Variants in RAD54B observed in about 807,000 individuals in gnomAD.
The protein encoded by RAD54B is DNA repair and recombination protein RAD54B.
RAD54B carries 78 observed loss-of-function variants against 95.8 expected under a neutral mutation model. The observed-to-expected ratio is 0.81, with a 90% CI of 0.68 to 0.98. The LOEUF (loss-of-function observed/expected upper bound fraction) is 0.98. Ranked by LOEUF, RAD54B falls within the 50% of genes least tolerant of loss-of-function variation. The pLI, the probability that RAD54B is intolerant of heterozygous loss-of-function variation, is 0.00. For missense variants in RAD54B, 957 were observed against 1,056.6 expected (o/e 0.91, Z 1.31); for synonymous variants, 328 against 354.9 (o/e 0.92, Z 0.85).
At chr8:94,404,817 A>C (rs1811347503) in intron 5 of RAD54B, among the ~76,000 whole-genome samples, 1 of 151,954 alleles carries the variant, frequency 6.6e-6, no homozygotes, top group African/African-American at 2.4e-5. Flanking sequence ...CAAGTTCATA[A>C]AGCTTTTTTT....
chr8:94,470,092 C>T (rs545473075), intron 1 of RAD54B, among the ~76,000 whole-genome samples: 49 of 152,318 alleles, frequency 3.2e-4, no homozygotes, highest in Admixed American at 8.5e-4. Context: ...TTATCTGTTT[C>T]ACCCAGAAAT....
At chr8:94,437,712 T>A (rs1356195778) in intron 3 of RAD54B, among the ~76,000 whole-genome samples, 9 of 152,206 alleles carry the variant, frequency 5.9e-5, no homozygotes, top group Non-Finnish European at 1.3e-4. Flanking sequence ...AGAAACAGTA[T>A]AATCACGCCT....
rs145900595 is a variant in RAD54B at position 94,467,533 on chromosome 8, G to C, written c.7C>G (p.Arg3Gly). The C allele has an allele frequency of 1.2e-6, 2 of 1,611,912 alleles. No individual in the cohort carries two copies. The highest frequency in any genetic ancestry group is 3.3e-5 in the Admixed American group (2 of 59,708). MR[R>G]SAAPSQLQGN... ...TGCAACTGACTTGGTGCTGCAGATCGTCTCATATTCAGCAGTCGTGACCTG... is the reference window on the plus strand; with the variant it reads ...TGCAACTGACTTGGTGCTGCAGATCCTCTCATATTCAGCAGTCGTGACCTG... The change falls in exon 2 of 15, where the codon CGA becomes GGA. Residue 3 changes from arginine to glycine, a missense_variant. Coordinates refer to ENST00000336148, the MANE Select transcript of RAD54B (RefSeq NM_012415.3).
intron 1 of RAD54B, among the ~76,000 whole-genome samples, chr8:94,473,481 T>C (rs1488505571): frequency 6.6e-6 from 1 of 152,204 alleles, no homozygotes; most frequent in African/African-American, 2.4e-5. Context: ...ATAATCATGC[T>C]TACACACCGG....
At chr8:94,420,637 T>C (rs983964162) in intron 3 of RAD54B, among the ~76,000 whole-genome samples, 2 of 151,918 alleles carry the variant, frequency 1.3e-5, no homozygotes, top group African/African-American at 4.8e-5. Context: ...TTATGTAATA[T>C]GTTATATTTC....
intron 1 of RAD54B, among the ~76,000 whole-genome samples, chr8:94,469,086 A>G (rs1189413271): frequency 6.7e-6 from 1 of 150,040 alleles, no homozygotes; most frequent in African/African-American, 2.4e-5. Context: ...TGAGCCCAAG[A>G]GAGCCCATCT....
At chr8:94,430,852 T>C (rs1812074432) in intron 3 of RAD54B, 1 of 985,464 alleles carries the variant, frequency 1.0e-6, no homozygotes, top group African/African-American at 1.7e-5. Context: ...GAGATGTCCT[T>C]CCTAGTCCAG....
At chr8:94,436,440 G>C in intron 3 of RAD54B, 2 of 1,473,994 alleles carry the variant, frequency 1.4e-6, no homozygotes, top group Non-Finnish European at 1.8e-6. Flanking sequence ...CTAAGCCAAA[G>C]CCCAATAGAT....
chr8:94,428,740 C>A, intron 3 of RAD54B: 1 of 983,086 alleles, frequency 1.0e-6, no homozygotes. Context: ...GTGTACATTC[C>A]ATTGTACTAG....
rs748992142 is a variant in RAD54B, at chr8:94,407,528, G to A, written c.692C>T (p.Pro231Leu). Residue 231 changes from proline (P) to leucine (L), a missense_variant, in exon 5 of 15, where the codon CCT becomes CTT. Coordinates refer to ENST00000336148, the MANE Select transcript of RAD54B (RefSeq NM_012415.3). ...ACTTGGTTTACAAACACTTTTGAAAGGGTTAGAGAAACATTTCCTGGCAAC... is the reference window on the plus strand; with the variant it reads ...ACTTGGTTTACAAACACTTTTGAAAAGGTTAGAGAAACATTTCCTGGCAAC... ...SQVARKCFSN[P>L]FKSVCKPSSK... 2.4e-5 allele frequency: 39 copies of A among 1,613,808 alleles called. No homozygotes were observed. The highest frequency in any genetic ancestry group is 6.7e-5 in the East Asian group (3 of 44,874).
intron 8 of RAD54B, among the ~76,000 whole-genome samples, chr8:94,394,818 G>A (rs988511423): frequency 2.0e-5 from 3 of 152,064 alleles, no homozygotes; most frequent in African/African-American, 7.2e-5. Flanking sequence ...AAATAAAAAT[G>A]CATTTATTTC....
intron 5 of RAD54B, among the ~76,000 whole-genome samples, chr8:94,405,902 A>G (rs778576067): frequency 1.2e-4 from 18 of 152,092 alleles, no homozygotes; most frequent in Non-Finnish European, 2.2e-4. Context: ...TTTAATATTA[A>G]CAACATGTCT....
chr8:94,458,850 G>C (rs1812836872), intron 2 of RAD54B, among the ~76,000 whole-genome samples: 1 of 151,650 alleles, frequency 6.6e-6, no homozygotes, highest in Non-Finnish European at 1.5e-5. Context: ...CTGGGCAACA[G>C]AGTGAGACTC....
chr8:94,428,526 G>T, intron 3 of RAD54B: 1 of 241,480 alleles, frequency 4.1e-6, no homozygotes, highest in Non-Finnish European at 6.7e-6. Context: ...CTAATATAAT[G>T]TAAATACTAT....
intron 3 of RAD54B, among the ~76,000 whole-genome samples, chr8:94,415,693 A>C (rs1311686748): frequency 6.8e-6 from 1 of 147,826 alleles, no homozygotes; most frequent in Non-Finnish European, 1.5e-5. Context: ...CAACCCCATC[A>C]AAAAGTGGGC....
At position 94,404,199 on chromosome 8, in the gene RAD54B, C is replaced by T. The variant is rs1464812250; in HGVS notation, c.822G>A (p.Trp274Ter). ...VMPRPDKNHQWVFNKNCFPLV... is the reference protein window; with the variant it reads ...VMPRPDKNHQ ...GAGGGAAACAGTTCTTATTGAATAC[C>T]CACTGGTGATTCTTATCTGGTCGTG... The change falls in exon 6 of 15, where the codon TGG (tryptophan) becomes TGA (stop). Residue 274 changes from tryptophan to a stop codon, truncating the protein, a stop_gained. Transcript: ENST00000336148. LOFTEE classifies it high-confidence loss of function. 1.9e-6 allele frequency: 3 copies of T among 1,609,228 alleles called. No individual in the cohort carries two copies. Among genetic ancestry groups the T allele is most frequent in the Non-Finnish European group, 2.5e-6 (3 of 1,177,828 alleles).
In RAD54B at chr8:94,407,663, A is replaced by G. The variant is rs1811428243; in HGVS notation, c.557T>C (p.Ile186Thr). ...CATGACTTCTATTTCTTTTCCACAA[A>G]TCATCAGTGTTTGGCCCTCTTCAAT... ...EKIEEGQTLMICGKEIEVMGV... is the reference protein window; with the variant it reads ...EKIEEGQTLMTCGKEIEVMGV... The change falls in exon 5 of 15, where the codon ATT becomes ACT. Residue 186 changes from isoleucine to threonine, a missense_variant. Coordinates refer to ENST00000336148, the MANE Select transcript of RAD54B (RefSeq NM_012415.3). The G allele has an allele frequency of 1.2e-6, 2 of 1,613,936 alleles. No individual in the cohort carries two copies. The highest frequency in any genetic ancestry group is 1.3e-5 in the African/African-American group (1 of 75,026).
At chr8:94,382,862 A>G (rs1379338133) in intron 11 of RAD54B, among the ~76,000 whole-genome samples, 2 of 152,168 alleles carry the variant, frequency 1.3e-5, no homozygotes, top group African/African-American at 2.4e-5. Flanking sequence ...GCCTTCTGCC[A>G]TGATTATAAG....
At chr8:94,420,830 C>T (rs1009720307) in intron 3 of RAD54B, among the ~76,000 whole-genome samples, 1 of 151,672 alleles carries the variant, frequency 6.6e-6, no homozygotes, top group Non-Finnish European at 1.5e-5. Flanking sequence ...ACTAAAAATA[C>T]AGAAATTAGC....
Sources: gnomAD v4.1 joint callset for allele counts (sites outside exome capture counted in the v4.1 genomes callset) on GRCh38, gnomAD v4.1.1 for gene constraint, MANE v1.5 for transcripts, NCBI Gene and HGNC (gene_info 2026-07-23, HGNC 2026-07-21) for gene names.